Variants in DMGDH observed in about 807,000 individuals in gnomAD.
The protein encoded by DMGDH is dimethylglycine dehydrogenase.
DMGDH carries 76 observed loss-of-function variants against 95.2 expected under a neutral mutation model. The observed-to-expected ratio is 0.80, with a 90% CI of 0.66 to 0.97. The LOEUF (loss-of-function observed/expected upper bound fraction) is 0.97. Among genes scored for constraint, DMGDH ranks in the 50% least tolerant of loss-of-function variants. The pLI is 0.00. For missense variants in DMGDH, 987 were observed against 1,055.0 expected (o/e 0.94, Z 0.89); for synonymous variants, 345 against 377.6 (o/e 0.91, Z 1.00).
intron 15 of DMGDH, chr5:79,000,567 T>C (rs1753436172): frequency 3.3e-6 from 2 of 599,300 alleles, no homozygotes; most frequent in Non-Finnish European, 6.5e-6. Flanking sequence ...CAAAATCCAG[T>C]GCTGTCACCG....
At chr5:79,047,515 T>G (rs1754713925) in intron 5 of DMGDH, among the ~76,000 whole-genome samples, 1 of 152,206 alleles carries the variant, frequency 6.6e-6, no homozygotes, top group Admixed American at 6.5e-5. Context: ...ATCTCAGATT[T>G]AATGAGTCAA....
chr5:79,040,263 G>A (rs915694350), intron 7 of DMGDH, among the ~76,000 whole-genome samples: 12 of 152,156 alleles, frequency 7.9e-5, no homozygotes, highest in African/African-American at 2.9e-4. Context: ...TAGAGAATTG[G>A]AGAATTGGTT....
intron 15 of DMGDH, among the ~76,000 whole-genome samples, chr5:79,003,968 A>AAATAAATAAATAAATAT (rs1214230307): frequency 6.6e-6 from 1 of 151,914 alleles, no homozygotes; most frequent in African/African-American, 2.4e-5. Context: ...ATAAATAAAT[A>AAATAAATAAATAAATAT]AAAATAAAAT....
intron 4 of DMGDH, among the ~76,000 whole-genome samples, 160 bp from the exon 5 acceptor site, chr5:79,051,651 T>C (rs1754866977): frequency 6.6e-6 from 1 of 152,184 alleles, no homozygotes; most frequent in Non-Finnish European, 1.5e-5. Flanking sequence ...AAAGCCACCA[T>C]TCAAGTCCTG....
chr5:79,060,936 A>G (rs1402912046), intron 2 of DMGDH, among the ~76,000 whole-genome samples: 1 of 145,318 alleles, frequency 6.9e-6, no homozygotes, highest in African/African-American at 2.6e-5. Context: ...AAAAAAATCA[A>G]TGCGGCCAGG....
chr5:79,021,496 G>T (rs906525019), intron 14 of DMGDH: 2 of 1,266,062 alleles, frequency 1.6e-6, no homozygotes, highest in African/African-American at 1.5e-5. Flanking sequence ...CTCCAAGACG[G>T]AAGGAAGCAA....
At chr5:79,041,768 G>A (rs565646497) in intron 7 of DMGDH, among the ~76,000 whole-genome samples, 1 of 152,178 alleles carries the variant, frequency 6.6e-6, no homozygotes, top group East Asian at 1.9e-4. Flanking sequence ...GCTGAGGTGG[G>A]CAGATTGCCT....
intron 14 of DMGDH, among the ~76,000 whole-genome samples, chr5:79,022,807 G>A (rs951966834): frequency 3.9e-5 from 6 of 152,084 alleles, no homozygotes; most frequent in Non-Finnish European, 1.5e-5. Context: ...AATAATATCC[G>A]AACACTGAAG....
chr5:79,027,903 G>C (rs1754046000), intron 12 of DMGDH, among the ~76,000 whole-genome samples: 1 of 149,352 alleles, frequency 6.7e-6, no homozygotes, highest in South Asian at 2.1e-4. Flanking sequence ...GTACAGTGGT[G>C]TCATCTTGGC....
At chr5:79,020,245 G>C (rs1472589306) in intron 14 of DMGDH, among the ~76,000 whole-genome samples, 1 of 152,048 alleles carries the variant, frequency 6.6e-6, no homozygotes, top group Non-Finnish European at 1.5e-5. Flanking sequence ...GTGTAGCCTG[G>C]GCCTTGGGAT....
chr5:79,030,672 G>C lies in DMGDH; in HGVS notation c.1683+161C>G, dbSNP rs114786325. On this transcript the variant is annotated intron_variant, in intron 10 of 15. Transcript: ENST00000255189. ...CAAAAAAAAAAAAAAAAAAAGAAAA[G>C]AAAAAAAGAAAGTAAATAAGCTTGT... 7.8e-3 allele frequency: 4,608 copies of C among 590,262 alleles called. 147 individuals carry two copies. Among genetic ancestry groups the C allele is most frequent in the African/African-American group, 0.077 (3,938 of 51,332 alleles). The allele number at this position is 590,262 out of a possible 1,614,324, so 36.6% of individuals were successfully genotyped here.
chr5:79,065,758 G>C (rs898474156), intron 1 of DMGDH, among the ~76,000 whole-genome samples: 2 of 152,150 alleles, frequency 1.3e-5, no homozygotes, highest in African/African-American at 4.8e-5. Flanking sequence ...CAGTAGGTTT[G>C]TTTAACCAGC....
intron 1 of DMGDH, among the ~76,000 whole-genome samples, chr5:79,064,018 A>G (rs535043025): frequency 1.3e-5 from 2 of 152,296 alleles, no homozygotes; most frequent in African/African-American, 4.8e-5. Context: ...TGTAGCTACT[A>G]TAGCCAAAGA....
Position 79,028,437 on chromosome 5 carries a change from A to G in DMGDH, c.2028T>C (p.Tyr676=). 2 of 1,609,350 alleles carry G rather than the reference A, an allele frequency of 1.2e-6. No homozygotes were observed. Among genetic ancestry groups the G allele is most frequent in the Non-Finnish European group, 1.7e-6 (2 of 1,175,670 alleles). The change falls in exon 12 of 16, where the codon TAT becomes TAC. Residue 676 remains tyrosine, a synonymous_variant. Transcript: ENST00000255189. ...CAGGTTGTTTTCCAATCTTACCAGT[A>G]TAAGATATCCTAATAGCAGTGACAG... ...NIPVTAIRIS[Y]TGELGWELYH... is the part of the protein sequence containing the mutation.
chr5:79,055,895 G>C lies in DMGDH; in HGVS notation c.290C>G (p.Thr97Ser). Residue 97 changes from threonine (T) to serine (S), a missense_variant, in exon 3 of 16, where the codon ACT becomes AGT. Transcript: ENST00000255189. ...CAAGTTTATTCCAGGATGAAAGTAA[G>C]TTGTTAAACCTGCCTTAAAAGCAGA... ...GSTWHAAGLT[T>S]YFHPGINLKK... 6.2e-7 allele frequency: 1 copy of C among 1,608,290 alleles called. No homozygotes were observed. Among genetic ancestry groups the C allele is most frequent in the South Asian group, 1.1e-5 (1 of 90,936 alleles).
chr5:79,020,930 C>A, intron 14 of DMGDH: 2 of 985,380 alleles, frequency 2.0e-6, no homozygotes, highest in Non-Finnish European at 2.4e-6. Context: ...TCCAGGAATG[C>A]CTATGACTCC....
chr5:79,003,947 A>AAAATAAATAAAT (rs562382857), intron 15 of DMGDH, among the ~76,000 whole-genome samples: 5 of 150,904 alleles, frequency 3.3e-5, no homozygotes, highest in African/African-American at 7.4e-5. Flanking sequence ...GCTCTGTCTC[A>AAAATAAATAAAT]AAATAAATAA....
chr5:79,058,603 A>T (rs1755100281), intron 2 of DMGDH, among the ~76,000 whole-genome samples: 1 of 152,180 alleles, frequency 6.6e-6, no homozygotes, highest in Non-Finnish European at 1.5e-5. Flanking sequence ...CAGAAGTCAT[A>T]GGAAAGGAGT....
In DMGDH at chr5:78,998,165, C is replaced by A; in HGVS notation, c.2518G>T (p.Ala840Ser). Residue 840 changes from alanine (A) to serine (S), a missense_variant, in exon 16 of 16, where the codon GCA (alanine) becomes TCA (serine). Transcript: ENST00000255189. The stretch of plus-strand genomic sequence containing the variant: ...ACCAAAGGTTCTTGTATGATGACTG[C>A]TGGGTAATTTTTGCCTAATAGTTCA... ...EVELLGKNYP[A>S]VIIQEPLVLT... is the part of the protein sequence containing the mutation. 1 of 1,614,164 alleles carries A rather than the reference C, an allele frequency of 6.2e-7. No homozygotes were observed. Among genetic ancestry groups the A allele is most frequent in the Non-Finnish European group, 8.5e-7 (1 of 1,180,042 alleles).
Sources: allele counts gnomAD v4.1 joint callset (sites outside exome capture counted in the v4.1 genomes callset), GRCh38; gene constraint gnomAD v4.1.1; transcripts MANE v1.5; gene names NCBI Gene and HGNC (gene_info 2026-07-23, HGNC 2026-07-21).